SDK1: variants seen among roughly 807,000 people sequenced by gnomAD.
The protein encoded by SDK1 is protein sidekick-1.
SDK1 carries 157 observed loss-of-function variants against 245.5 expected under a neutral mutation model. The ratio of observed to expected loss-of-function variants is 0.64; its 90% CI spans 0.56 to 0.73. SDK1 has a LOEUF of 0.73. Ranked by LOEUF, SDK1 falls within the 30% of genes least tolerant of loss-of-function variation. The probability of loss-of-function intolerance (pLI) is 0.00; values close to 1 mark genes in which losing one functional copy is unlikely to be tolerated. For synonymous variants in SDK1, 1,647 were observed against 1,278.5 expected (o/e 1.29, Z -6.15); for missense variants, 3,583 against 3,002.3 (o/e 1.19, Z -4.52).
At chr7:4,107,370 G>C (rs113190736) in intron 22 of SDK1, among the ~76,000 whole-genome samples, 7 of 152,134 alleles carry the variant, frequency 4.6e-5, no homozygotes, top group African/African-American at 1.4e-4. Flanking sequence ...CGTGAGCTAC[G>C]CACGTGAGCC....
In SDK1 at chr7:3,618,650, C is replaced by A. The variant is rs1190394423; in HGVS notation, c.299-430C>A. Among the ~76,000 whole-genome samples the A allele has an allele frequency of 2.6e-5, 4 of 152,176 alleles. 1 individual carries two copies. Among genetic ancestry groups the A allele is most frequent in the Admixed American group, 2.0e-4 (3 of 15,272 alleles). On this transcript the variant is annotated intron_variant, in intron 1 of 44. Coordinates refer to ENST00000404826, the MANE Select transcript of SDK1 (RefSeq NM_152744.4). ...ATTCATGTCGTTTATGTATGTATGT[C>A]AATCTTGCTTATCTTACTTTTTTAA...
At chr7:3,572,812 G>A (rs1231230148) in intron 1 of SDK1, among the ~76,000 whole-genome samples, 3 of 152,020 alleles carry the variant, frequency 2.0e-5, no homozygotes, top group Non-Finnish European at 4.4e-5. Flanking sequence ...TTGAGTAAAC[G>A]TAAACATGGT....
At chr7:3,425,397 C>T (rs1029666528) in intron 1 of SDK1, among the ~76,000 whole-genome samples, 1 of 152,138 alleles carries the variant, frequency 6.6e-6, no homozygotes, top group African/African-American at 2.4e-5. Flanking sequence ...TTCTGAGTAA[C>T]TCTTTGGTAA....
Position 3,466,985 on chromosome 7 carries a change from C to CT in SDK1, c.299-152095_299-152094insT, listed in dbSNP as rs1163278963. The stretch of plus-strand genomic sequence containing the variant: ...TCTCTCTCCTCTCTCTCTCTACACA[C>CT]ACACACACACACACACACACACACA... On this transcript the variant is annotated intron_variant, in intron 1 of 44. Transcript: ENST00000404826. Among the ~76,000 whole-genome samples the CT allele has an allele frequency of 6.5e-3, 749 of 115,384 alleles. 7 individuals carry two copies. The highest frequency in any genetic ancestry group is 0.023 in the African/African-American group (592 of 25,684). The allele number at this position is 115,384 out of a possible 152,430, so 75.7% of individuals were successfully genotyped here. A position where few individuals can be genotyped will look rare whatever the true frequency, so the allele number is the denominator to read the frequency against.
At chr7:3,646,932 G>T (rs1230400061) in intron 4 of SDK1, among the ~76,000 whole-genome samples, 1 of 152,188 alleles carries the variant, frequency 6.6e-6, no homozygotes, top group East Asian at 1.9e-4. Flanking sequence ...GCAGAACATT[G>T]GTTGCCAGGG....
At chr7:3,741,125 C>T (rs765851042) in intron 4 of SDK1, among the ~76,000 whole-genome samples, 2 of 152,194 alleles carry the variant, frequency 1.3e-5, no homozygotes, top group Non-Finnish European at 2.9e-5. Flanking sequence ...CATCCTGCCA[C>T]CTCCTGTATA....
rs58468073 is a variant in SDK1 at position 4,143,549 on chromosome 7, C to T, written c.4229-2173C>T. On this transcript the variant is annotated intron_variant, in intron 28 of 44. Transcript: ENST00000404826. Reference sequence around the variant, plus strand: ...GCTGCATGGCTCATCCACGGTCACACAGTGAATGATTGGCAGAGCGGGATT... The same window carrying T: ...GCTGCATGGCTCATCCACGGTCACATAGTGAATGATTGGCAGAGCGGGATT... 7.9e-3 allele frequency among the ~76,000 whole-genome samples: 1,199 copies of T among 152,274 alleles called. 20 individuals carry two copies. The highest frequency in any genetic ancestry group is 0.027 in the African/African-American group (1,134 of 41,542).
Position 4,268,702 on chromosome 7 carries a change from C to G in SDK1, c.*3318C>G. On this transcript the variant is annotated 3_prime_UTR_variant, in exon 45 of 45. Coordinates refer to ENST00000404826, the MANE Select transcript of SDK1 (RefSeq NM_152744.4). ...GTGTAGCTATCCTCCTGACGAGCAA[C>G]CCGTCTGCGTACCTAAGTGTGGCTC... 1 of 1,367,870 alleles carries G rather than the reference C, an allele frequency of 7.3e-7. No individual in the cohort carries two copies. The highest frequency in any genetic ancestry group is 9.8e-7 in the Non-Finnish European group (1 of 1,022,008). The allele number at this position is 1,367,870 out of a possible 1,614,324, so 84.7% of individuals were successfully genotyped here. A position where few individuals can be genotyped will look rare whatever the true frequency, so the allele number is the denominator to read the frequency against.
chr7:3,570,058 G>A (rs1451263699), intron 1 of SDK1, among the ~76,000 whole-genome samples: 2 of 152,148 alleles, frequency 1.3e-5, no homozygotes, highest in African/African-American at 2.4e-5. Flanking sequence ...TGAGAGAGGT[G>A]GGGACAGAAA....
chr7:3,419,221 C>T (rs1461929089), intron 1 of SDK1, among the ~76,000 whole-genome samples: 2 of 152,214 alleles, frequency 1.3e-5, no homozygotes, highest in African/African-American at 2.4e-5. Context: ...ACCTGAAGCT[C>T]ACAGAGCTTA....
At chr7:3,886,524 C>A (rs1781342859) in intron 5 of SDK1, among the ~76,000 whole-genome samples, 1 of 152,208 alleles carries the variant, frequency 6.6e-6, no homozygotes. Context: ...TCTGACAATA[C>A]AAATATTTAA....
chr7:3,748,214 G>A (rs1020048280), intron 4 of SDK1, among the ~76,000 whole-genome samples: 1 of 152,154 alleles, frequency 6.6e-6, no homozygotes, highest in African/African-American at 2.4e-5. Flanking sequence ...GAAAAATGAT[G>A]TATCTAACAT....
At chr7:4,121,605 G>T (rs1270312747) in intron 25 of SDK1, among the ~76,000 whole-genome samples, 1 of 152,158 alleles carries the variant, frequency 6.6e-6, no homozygotes, top group Non-Finnish European at 1.5e-5. Context: ...CCAGTATTGG[G>T]TATTTATTTA....
At chr7:3,357,542 CTTG>C (rs760638194) in intron 1 of SDK1, among the ~76,000 whole-genome samples, 5 of 150,552 alleles carry the variant, frequency 3.3e-5, no homozygotes, top group Non-Finnish European at 5.9e-5. Context: ...GAGATGGGGT[CTTG>C]TTGTGTTGCC....
At chr7:3,665,595 T>A (rs1033574903) in intron 4 of SDK1, among the ~76,000 whole-genome samples, 4 of 152,206 alleles carry the variant, frequency 2.6e-5, no homozygotes, top group Admixed American at 1.3e-4. Context: ...TATTTTTATG[T>A]TTGTTTCCTT....
chr7:3,858,469 G>A (rs1007743062), intron 5 of SDK1, among the ~76,000 whole-genome samples: 35 of 147,818 alleles, frequency 2.4e-4, no homozygotes, highest in Admixed American at 6.0e-4. Flanking sequence ...AAATACCCAG[G>A]AAAAAAAAAT....
chr7:3,687,535 G>T lies in SDK1; in HGVS notation c.713+45430G>T, dbSNP rs79257790. 1.2e-3 allele frequency among the ~76,000 whole-genome samples: 181 copies of T among 152,292 alleles called. 1 individual carries two copies. Among genetic ancestry groups the T allele is most frequent in the African/African-American group, 4.2e-3 (175 of 41,564 alleles). On this transcript the variant is annotated intron_variant, in intron 4 of 44. Transcript: ENST00000404826. ...CATCTGTAATGTGGGACGCTGCTTC[G>T]CACTGAAAAGGTGTGAACTGTCGAT...
chr7:3,956,728 T>C (rs188026885), intron 7 of SDK1, among the ~76,000 whole-genome samples: 1 of 152,246 alleles, frequency 6.6e-6, no homozygotes, highest in Admixed American at 6.5e-5. Flanking sequence ...CCAGGTGGCA[T>C]GCTGTGTGCC....
chr7:3,676,889 C>G (rs375924956), intron 4 of SDK1, among the ~76,000 whole-genome samples: 8 of 151,978 alleles, frequency 5.3e-5, no homozygotes, highest in African/African-American at 1.9e-4. Context: ...GTATTCATAC[C>G]ATGCTATTTT....
Sources: gnomAD v4.1 joint callset for allele counts (sites outside exome capture counted in the v4.1 genomes callset) on GRCh38, gnomAD v4.1.1 for gene constraint, MANE v1.5 for transcripts, NCBI Gene and HGNC (gene_info 2026-07-23, HGNC 2026-07-21) for gene names.